Variants in APBA2 observed in about 807,000 individuals in gnomAD.
APBA2 encodes the protein amyloid-beta A4 precursor protein-binding family A member 2.
A neutral mutation model predicts 75.0 loss-of-function variants in APBA2; 30 were observed. That is an observed-to-expected ratio of 0.40 (90% confidence interval 0.30 to 0.54). The LOEUF is 0.54. Among genes scored for constraint, APBA2 ranks in the 20% least tolerant of loss-of-function variants. The pLI is 0.49. For synonymous variants in APBA2, 444 were observed against 409.6 expected (o/e 1.08, Z -1.01); for missense variants, 801 against 1,016.1 (o/e 0.79, Z 2.88).
intron 2 of APBA2, among the ~76,000 whole-genome samples, chr15:28,973,268 T>C (rs1269928361): frequency 1.3e-5 from 2 of 152,222 alleles, no homozygotes; most frequent in Non-Finnish European, 2.9e-5. Context: ...GAGGTTTTTA[T>C]TGGTGTGTAA....
chr15:29,098,688 C>T, intron 9 of APBA2, 112 bp downstream of exon 9: 4 of 914,706 alleles, frequency 4.4e-6, no homozygotes, highest in Non-Finnish European at 7.0e-6. Flanking sequence ...GCTCTCTGCG[C>T]CCATCAACCC....
At chr15:28,950,493 G>A (rs576744004) in intron 2 of APBA2, among the ~76,000 whole-genome samples, 3 of 152,214 alleles carry the variant, frequency 2.0e-5, no homozygotes, top group African/African-American at 7.2e-5. Flanking sequence ...CAGGCGTGGT[G>A]GTGGGCACCT....
intron 2 of APBA2, among the ~76,000 whole-genome samples, chr15:28,927,836 T>A (rs1028312815): frequency 6.6e-6 from 1 of 151,994 alleles, no homozygotes; most frequent in Non-Finnish European, 1.5e-5. Context: ...AAGGCATTCT[T>A]CATTTCTGTT....
intron 11 of APBA2, 44 bp from the exon 12 acceptor site, chr15:29,106,563 G>A (rs201725142): frequency 8.1e-6 from 13 of 1,608,240 alleles, no homozygotes; most frequent in South Asian, 2.2e-5. Context: ...CAGAGGCCTC[G>A]GTCCTTGCCG....
At chr15:29,109,112 T>C (rs1048298574) in intron 13 of APBA2, among the ~76,000 whole-genome samples, 2 of 152,182 alleles carry the variant, frequency 1.3e-5, no homozygotes, top group African/African-American at 4.8e-5. Context: ...AAACCAGCCC[T>C]GAGTATGAAG....
chr15:29,111,546 T>A (rs1179370098), intron 13 of APBA2, among the ~76,000 whole-genome samples: 2 of 152,128 alleles, frequency 1.3e-5, no homozygotes, highest in African/African-American at 4.8e-5. Flanking sequence ...CAGGCGGCCA[T>A]ATGGATCAGT....
chr15:28,900,698 C>T (rs890306514), intron 1 of APBA2, among the ~76,000 whole-genome samples: 8 of 152,154 alleles, frequency 5.3e-5, no homozygotes, highest in Non-Finnish European at 7.4e-5. Context: ...GCCTGGGCGG[C>T]GCCCCTGTGT....
At chr15:28,903,526 G>A (rs1183883193) in intron 1 of APBA2, among the ~76,000 whole-genome samples, 1 of 152,236 alleles carries the variant, frequency 6.6e-6, no homozygotes, top group Non-Finnish European at 1.5e-5. Context: ...GTCAGCGCCT[G>A]TATTTGTGGT....
At chr15:28,996,575 C>T (rs2038535756) in intron 3 of APBA2, among the ~76,000 whole-genome samples, 1 of 152,182 alleles carries the variant, frequency 6.6e-6, no homozygotes, top group South Asian at 2.1e-4. Flanking sequence ...GCTGGAGACA[C>T]ACAAGGCAGC....
At chr15:29,071,595 T>C (rs967495778) in intron 4 of APBA2, among the ~76,000 whole-genome samples, 5 of 146,200 alleles carry the variant, frequency 3.4e-5, no homozygotes, top group Non-Finnish European at 6.0e-5. Context: ...ATAGTATCTT[T>C]ATCTAGGATG....
At chr15:29,059,850 TC>T (rs1013690611) in intron 4 of APBA2, among the ~76,000 whole-genome samples, 6 of 152,206 alleles carry the variant, frequency 3.9e-5, no homozygotes, top group African/African-American at 1.2e-4. Context: ...GCAAAGTTTT[TC>T]CCTTCTTGGG....
At chr15:29,006,586 G>C (rs1008142848) in intron 3 of APBA2, among the ~76,000 whole-genome samples, 1 of 152,208 alleles carries the variant, frequency 6.6e-6, no homozygotes, top group Non-Finnish European at 1.5e-5. Flanking sequence ...GGGGAGGCCT[G>C]ACAATCATGG....
At chr15:28,915,291 ACC>A (rs2033636786) in intron 1 of APBA2, among the ~76,000 whole-genome samples, 2 of 138,728 alleles carry the variant, frequency 1.4e-5, no homozygotes, top group African/African-American at 2.7e-5. Context: ...CCACACACAT[ACC>A]CCATATACAC....
chr15:29,094,406 A>T, intron 8 of APBA2, 93 bp downstream of exon 8: 1 of 1,223,744 alleles, frequency 8.2e-7, no homozygotes, highest in South Asian at 1.2e-5. Context: ...TCCCCTGGGG[A>T]TCTAAATAAT....
intron 3 of APBA2, among the ~76,000 whole-genome samples, chr15:29,025,614 G>GT (rs1382405109): frequency 6.6e-6 from 1 of 152,104 alleles, no homozygotes; most frequent in Non-Finnish European, 1.5e-5. Flanking sequence ...AGGGGAGACG[G>GT]ATGGTGGTGG....
chr15:29,017,835 ATCT>A (rs1476075918), intron 3 of APBA2, among the ~76,000 whole-genome samples: 1 of 151,974 alleles, frequency 6.6e-6, no homozygotes, highest in Non-Finnish European at 1.5e-5. Flanking sequence ...CTGCGGCAAT[ATCT>A]TCTTCTATTT....
intron 2 of APBA2, among the ~76,000 whole-genome samples, chr15:28,933,597 A>G (rs1276572103): frequency 6.6e-6 from 1 of 152,260 alleles, no homozygotes; most frequent in African/African-American, 2.4e-5. Flanking sequence ...AGACAGTTGT[A>G]GGAGCAATGG....
rs1157581920 is a variant in APBA2, at chr15:29,105,427, C to G, written c.1573C>G (p.Gln525Glu). 3 of 1,613,246 alleles carry G rather than the reference C, an allele frequency of 1.9e-6. No individual in the cohort carries two copies. Among genetic ancestry groups the G allele is most frequent in the Non-Finnish European group, 2.5e-6 (3 of 1,180,014 alleles). The change falls in exon 11 of 15, where the codon CAG becomes GAG. Residue 525 changes from glutamine to glutamate, a missense_variant. This residue lies in a region of APBA2 where 367 missense variants were observed against 544.5 expected (regional missense o/e 0.67). Coordinates refer to ENST00000683413, the MANE Select transcript of APBA2 (RefSeq NM_001353788.2). ...SIGQAFSVAYQEFLRANGINP... is the reference protein window; with the variant it reads ...SIGQAFSVAYEEFLRANGINP... ...CGGCCAGGCCTTCAGCGTGGCCTAC[C>G]AGGAGTTCCTGCGAGCCAATGGCAT...
In APBA2 at chr15:29,054,715, C is replaced by G; in HGVS notation, c.831C>G (p.His277Gln). ...PIKASCSPSR[H>Q]EARPKSLNLL... ...AGGCCAGCTGCAGCCCCAGCAGGCA[C>G]GAGGCGAGGCCCAAGTCGCTGAACC... Residue 277 changes from histidine (H) to glutamine (Q), a missense_variant, in exon 4 of 15, where the codon CAC becomes CAG. His to Gln is a conservative substitution (Grantham distance 24). Around this residue, in one of 2 missense-constraint regions of APBA2, gnomAD observed 434 missense variants for 471.6 expected, o/e 0.92. Coordinates refer to ENST00000683413, the MANE Select transcript of APBA2 (RefSeq NM_001353788.2). This position sits in a 1 kb window ranked among gnomAD's most constrained non-coding sequence, Gnocchi z 6.1. The G allele has an allele frequency of 1.9e-6, 3 of 1,613,528 alleles. No individual in the cohort carries two copies. Among genetic ancestry groups the G allele is most frequent in the Non-Finnish European group, 2.5e-6 (3 of 1,179,998 alleles).
Sources: allele counts gnomAD v4.1 joint callset (sites outside exome capture counted in the v4.1 genomes callset), GRCh38; gene constraint gnomAD v4.1.1; regional missense constraint gnomAD v4.1.1; non-coding constraint Gnocchi (gnomAD v3.1); transcripts MANE v1.5; gene names NCBI Gene and HGNC (gene_info 2026-07-23, HGNC 2026-07-21).